Variants in GPATCH8 observed in about 807,000 individuals in gnomAD.
The protein encoded by GPATCH8 is G patch domain-containing protein 8.
Under a neutral mutation model 118.3 loss-of-function variants are expected in GPATCH8, and 18 were observed. That is an observed-to-expected ratio of 0.15 (90% CI 0.11 to 0.23). GPATCH8 has a LOEUF of 0.23. GPATCH8 is among the 10% of genes least tolerant of loss of function. The pLI is 1.00. For synonymous variants in GPATCH8, 659 were observed against 684.7 expected, an observed-to-expected ratio of 0.96 and a Z score of 0.59; for missense variants, 1,631 against 1,873.8, an observed-to-expected ratio of 0.87 and a Z score of 2.39.
intron 3 of GPATCH8, among the ~76,000 whole-genome samples, chr17:44,444,798 A>C (rs1340806205): frequency 6.6e-6 from 1 of 152,186 alleles, no homozygotes; most frequent in Non-Finnish European, 1.5e-5. Flanking sequence ...AAGTGGTAGC[A>C]CTTTTGTGCC....
In GPATCH8 at chr17:44,462,297, G is replaced by C. The variant is rs556748613; in HGVS notation, c.193+2175C>G. 4.6e-5 allele frequency among the ~76,000 whole-genome samples: 7 copies of C among 152,292 alleles called. No individual in the cohort carries two copies. The South Asian group carries it at 1.5e-3, about 32-fold the overall frequency. On this transcript the variant is annotated intron_variant, in intron 3 of 7. Transcript: ENST00000591680. ...GAGGTATTTCAAATTGGAGAGAAAA[G>C]CAAATCTAGTCTTCTGACCTTCTTC...
chr17:44,444,277 A>G (rs1488242482), intron 3 of GPATCH8, among the ~76,000 whole-genome samples: 4 of 151,960 alleles, frequency 2.6e-5, no homozygotes, highest in Non-Finnish European at 1.5e-5. Context: ...CCTAAAGAAA[A>G]TCATACTTTT....
At chr17:44,414,079 A>C (rs183094925) in intron 6 of GPATCH8, among the ~76,000 whole-genome samples, 1 of 129,892 alleles carries the variant, frequency 7.7e-6, no homozygotes, top group Non-Finnish European at 1.6e-5. Context: ...ATATATATAT[A>C]TGTGTGTGTA....
chr17:44,473,697 A>T (rs1228215814), intron 2 of GPATCH8: 4 of 152,244 alleles, frequency 2.6e-5, no homozygotes, highest in South Asian at 2.1e-4. Context: ...AGAAGAAATT[A>T]AAAAAAGGCA....
At position 44,396,329 on chromosome 17, in the gene GPATCH8, A is replaced by G; in HGVS notation, c.*1239T>C. ...GTGGGGTCTACCTGTTTCTCTGTGTAAAACAGCAAAAGTACATGAGGGAGA... is the reference window on the plus strand; with the variant it reads ...GTGGGGTCTACCTGTTTCTCTGTGTGAAACAGCAAAAGTACATGAGGGAGA... On this transcript the variant is annotated 3_prime_UTR_variant, in exon 8 of 8. Coordinates refer to ENST00000591680, the MANE Select transcript of GPATCH8 (RefSeq NM_001002909.4). 2.2e-6 allele frequency: 1 copy of G among 454,514 alleles called. No homozygotes were observed. The highest frequency in any genetic ancestry group is 4.4e-6 in the Non-Finnish European group (1 of 226,786). 28.2% of individuals were successfully genotyped at this position (454,514 alleles called of 1,614,324 possible).
intron 2 of GPATCH8, among the ~76,000 whole-genome samples, chr17:44,468,422 C>A (rs886355817): frequency 1.7e-5 from 2 of 120,658 alleles, no homozygotes; most frequent in Admixed American, 1.1e-4. Flanking sequence ...GGGTCTCGCT[C>A]TGCCACCCAG....
intron 3 of GPATCH8, among the ~76,000 whole-genome samples, chr17:44,450,777 T>G (rs1454761635): frequency 6.6e-6 from 1 of 152,194 alleles, no homozygotes; most frequent in African/African-American, 2.4e-5. Context: ...CCAACGCTTC[T>G]CATGGAAGAA....
chr17:44,427,336 T>C (rs1423838081), intron 5 of GPATCH8, among the ~76,000 whole-genome samples: 1 of 151,842 alleles, frequency 6.6e-6, no homozygotes. Context: ...AAAATACATA[T>C]ATATATAAAT....
chr17:44,453,823 G>A (rs560764240), intron 3 of GPATCH8, among the ~76,000 whole-genome samples: 18 of 151,906 alleles, frequency 1.2e-4, no homozygotes, highest in African/African-American at 3.9e-4. Flanking sequence ...ATGAGCCATC[G>A]TGCCCAGCCT....
At chr17:44,491,904 A>G (rs563109147) in intron 1 of GPATCH8, among the ~76,000 whole-genome samples, 27 of 152,320 alleles carry the variant, frequency 1.8e-4, no homozygotes, top group African/African-American at 5.8e-4. Flanking sequence ...GCCTTTAAAA[A>G]TGGAATTTAA....
At chr17:44,416,821 C>T (rs537567860) in intron 6 of GPATCH8, among the ~76,000 whole-genome samples, 1 of 152,292 alleles carries the variant, frequency 6.6e-6, no homozygotes, top group African/African-American at 2.4e-5. Flanking sequence ...CTGCTAGAGG[C>T]TTCATCTGTT....
At chr17:44,489,264 T>C (rs1343601989) in intron 1 of GPATCH8, among the ~76,000 whole-genome samples, 1 of 151,968 alleles carries the variant, frequency 6.6e-6, no homozygotes, top group Non-Finnish European at 1.5e-5. Flanking sequence ...ACCATGCAAT[T>C]GGAAATAGTG....
intron 3 of GPATCH8, among the ~76,000 whole-genome samples, chr17:44,463,631 C>T (rs552331446): frequency 6.2e-4 from 95 of 152,310 alleles, no homozygotes; most frequent in African/African-American, 2.1e-3. Flanking sequence ...CCACCTGCCT[C>T]GGCCTCCCAA....
At chr17:44,488,766 C>G (rs1372480492) in intron 1 of GPATCH8, among the ~76,000 whole-genome samples, 3 of 151,650 alleles carry the variant, frequency 2.0e-5, no homozygotes, top group Non-Finnish European at 4.4e-5. Flanking sequence ...TGTAACTATT[C>G]TACAAATCTA....
chr17:44,418,620 T>G (rs180998305), intron 6 of GPATCH8, among the ~76,000 whole-genome samples: 166 of 152,050 alleles, frequency 1.1e-3, no homozygotes, highest in African/African-American at 3.8e-3. Flanking sequence ...ACGCCCGGCT[T>G]TTTTGTATTT....
At chr17:44,429,785 A>C (rs952809665) in intron 5 of GPATCH8, among the ~76,000 whole-genome samples, 10 of 151,752 alleles carry the variant, frequency 6.6e-5, no homozygotes, top group Admixed American at 6.6e-4. Context: ...AATTGCTTGA[A>C]CTCAGGAGGT....
rs750824617 is a variant in GPATCH8 at position 44,395,978 on chromosome 17, G to C, written c.*1590C>G. On this transcript the variant is annotated 3_prime_UTR_variant, in exon 8 of 8. Coordinates refer to ENST00000591680, the MANE Select transcript of GPATCH8 (RefSeq NM_001002909.4). Reference sequence around the variant, plus strand: ...GTAATTCCTCTTGTCAGTGTCATGGGAGAAAAGAAACAAGGAACGTTTACT... The same window carrying C: ...GTAATTCCTCTTGTCAGTGTCATGGCAGAAAAGAAACAAGGAACGTTTACT... The C allele has an allele frequency of 4.4e-6, 2 of 454,326 alleles. No homozygotes were observed. Among genetic ancestry groups the C allele is most frequent in the Non-Finnish European group, 8.8e-6 (2 of 226,806 alleles). The allele number at this position is 454,326 out of a possible 1,614,324, so 28.1% of individuals were successfully genotyped here.
intron 7 of GPATCH8, among the ~76,000 whole-genome samples, chr17:44,403,550 G>A (rs948259373): frequency 6.6e-6 from 1 of 152,112 alleles, no homozygotes; most frequent in Non-Finnish European, 1.5e-5. Context: ...ACACTATACA[G>A]CGTACACTAT....
intron 7 of GPATCH8, among the ~76,000 whole-genome samples, chr17:44,402,445 T>C (rs2049062063): frequency 1.3e-5 from 2 of 152,086 alleles, no homozygotes; most frequent in Admixed American, 6.6e-5. Context: ...TTATCTAATG[T>C]ATGGCTGTAC....
Sources: gnomAD v4.1 joint callset for allele counts (sites outside exome capture counted in the v4.1 genomes callset) on GRCh38, gnomAD v4.1.1 for gene constraint, MANE v1.5 for transcripts, NCBI Gene and HGNC (gene_info 2026-07-23, HGNC 2026-07-21) for gene names.